TESMIN: variants seen among roughly 807,000 people sequenced by gnomAD.
The protein encoded by TESMIN is testis expressed metallothionein like protein.
A neutral mutation model predicts 47.4 loss-of-function variants in TESMIN; 34 were observed. The observed-to-expected ratio is 0.72, with a 90% CI of 0.55 to 0.96. The LOEUF is 0.96. Ranked by LOEUF, TESMIN falls within the 40% of genes least tolerant of loss-of-function variation. The pLI is 0.00. For synonymous variants in TESMIN, 278 were observed against 258.9 expected (o/e 1.07, Z -0.71); for missense variants, 610 against 637.2 (o/e 0.96, Z 0.46).
intron 7 of TESMIN, 60 bp from the exon 8 acceptor site, chr11:68,713,467 G>A: frequency 6.3e-7 from 1 of 1,577,642 alleles, no homozygotes; most frequent in Non-Finnish European, 8.7e-7. Context: ...TCAGCTCAAT[G>A]AAGGGCATCT....
chr11:68,729,576 C>T (rs188284829), intron 6 of TESMIN, among the ~76,000 whole-genome samples: 10 of 151,432 alleles, frequency 6.6e-5, no homozygotes, highest in Admixed American at 2.0e-4. Flanking sequence ...TTGTGGGGTT[C>T]AAGACTTCAG....
In TESMIN at chr11:68,713,288, A is replaced by G. The variant is rs1946094493; in HGVS notation, c.1140T>C (p.Asn380=). ...CNCRRSGCLK[N]YCECYEAQIM... ...CACTAACCTCATAGCACTCGCAGTA[A>G]TTCTTCAGGCAGCCTGACCTCCTGC... Residue 380 remains asparagine, a synonymous_variant, in exon 8 of 10, where the codon AAT becomes AAC. Transcript: ENST00000255087. The G allele has an allele frequency of 1.2e-6, 2 of 1,614,148 alleles. No individual in the cohort carries two copies. The highest frequency in any genetic ancestry group is 1.7e-6 in the Non-Finnish European group (2 of 1,180,002).
intron 3 of TESMIN, 143 bp from the exon 4 acceptor site, chr11:68,745,254 C>G: frequency 1.7e-6 from 1 of 580,630 alleles, no homozygotes; most frequent in Non-Finnish European, 2.7e-6. Flanking sequence ...GATCTGTTTT[C>G]GATTTCTTAC....
intron 6 of TESMIN, among the ~76,000 whole-genome samples, chr11:68,729,541 T>C (rs1159823306): frequency 6.7e-6 from 1 of 149,300 alleles, no homozygotes. Flanking sequence ...AAAAAAAAAG[T>C]TGATTTCAAC....
chr11:68,749,963 G>A (rs1459523187), intron 2 of TESMIN, among the ~76,000 whole-genome samples: 3 of 152,152 alleles, frequency 2.0e-5, no homozygotes, highest in African/African-American at 7.2e-5. Context: ...ACTGGTGCAG[G>A]GCAGAATTCC....
At chr11:68,727,599 T>C (rs1946280605) in intron 6 of TESMIN, among the ~76,000 whole-genome samples, 1 of 152,246 alleles carries the variant, frequency 6.6e-6, no homozygotes, top group South Asian at 2.1e-4. Flanking sequence ...CAAAAATGTA[T>C]AATTTAACAC....
chr11:68,717,156 AATT>A (rs1366024742), intron 6 of TESMIN, among the ~76,000 whole-genome samples: 2 of 152,236 alleles, frequency 1.3e-5, no homozygotes, highest in East Asian at 3.8e-4. Context: ...TTCTTTTCAT[AATT>A]ATTATTTTCA....
rs1946506850 is a variant in TESMIN at position 68,745,320 on chromosome 11, A to C, written c.631-209T>G. Among the ~76,000 whole-genome samples, 7 of 150,388 alleles carry C rather than the reference A, an allele frequency of 4.7e-5. No homozygotes were observed. In the South Asian group the frequency reaches 1.5e-3, roughly 31 times the overall value. On this transcript the variant is annotated intron_variant, in intron 3 of 9. Coordinates refer to ENST00000255087, the MANE Select transcript of TESMIN (RefSeq NM_004923.3). Reference sequence around the variant, plus strand: ...AAGGGCAAAAAAAAAAAAAAAAAAAAGAAAAACCCAGAAATGTTTCCTGAG... The same window carrying C: ...AAGGGCAAAAAAAAAAAAAAAAAAACGAAAAACCCAGAAATGTTTCCTGAG...
chr11:68,725,936 G>A (rs964397674), intron 6 of TESMIN, among the ~76,000 whole-genome samples: 4 of 152,160 alleles, frequency 2.6e-5, no homozygotes, highest in African/African-American at 9.7e-5. Flanking sequence ...AATTCAGAGG[G>A]CCAAGCTAAA....
intron 6 of TESMIN, among the ~76,000 whole-genome samples, chr11:68,722,172 C>T (rs891631577): frequency 6.6e-6 from 1 of 152,088 alleles, no homozygotes; most frequent in Non-Finnish European, 1.5e-5. Flanking sequence ...AAGCCAGATA[C>T]AAAGGGACAG....
At chr11:68,747,147 A>C in intron 3 of TESMIN, 61 bp downstream of exon 3, 1 of 1,536,934 alleles carries the variant, frequency 6.5e-7, no homozygotes, top group South Asian at 1.1e-5. Flanking sequence ...TCGACTTAGT[A>C]ATGATGGGGT....
At chr11:68,730,680 A>G (rs917278060) in intron 6 of TESMIN, among the ~76,000 whole-genome samples, 6 of 151,886 alleles carry the variant, frequency 4.0e-5, no homozygotes, top group Non-Finnish European at 8.8e-5. Flanking sequence ...CTATAATCTC[A>G]GCTACTCAGG....
Position 68,750,752 on chromosome 11 carries a change from G to A in TESMIN, c.-39-53C>T, listed in dbSNP as rs1288827393. ...GCCAGAGGAGAGGACGAGGGGAGGG[G>A]CGGCCAGGAAAGGGGACAGCCAAGG... On this transcript the variant is annotated intron_variant, in intron 1 of 9. Coordinates refer to ENST00000255087, the MANE Select transcript of TESMIN (RefSeq NM_004923.3). 1.4e-5 allele frequency: 11 copies of A among 810,630 alleles called. No homozygotes were observed. In the Admixed American group the frequency reaches 4.8e-4, roughly 35 times the overall value. 50.2% of individuals were successfully genotyped at this position (810,630 alleles called of 1,614,324 possible).
Position 68,708,485 on chromosome 11 carries a change from G to T in TESMIN, c.1350C>A (p.Cys450Ter). The T allele has an allele frequency of 1.2e-6, 2 of 1,608,644 alleles. No homozygotes were observed. The highest frequency in any genetic ancestry group is 1.7e-6 in the Non-Finnish European group (2 of 1,177,910). The change falls in exon 10 of 10, where the codon TGC becomes TGA. Residue 450 changes from cysteine to a stop codon, truncating the protein, a stop_gained. Transcript: ENST00000255087. LOFTEE classifies it high-confidence loss of function. The stretch of plus-strand genomic sequence containing the variant: ...TGGCCTCCACCACCTCCCAGGAGAT[G>T]CATGAGGAAGGCCGCCTGTCAGAAA... ...RFSHDRRPSS[C>*]ISWEVVEATC... is the part of the protein sequence containing the mutation.
intron 7 of TESMIN, among the ~76,000 whole-genome samples, chr11:68,714,232 G>A (rs921006534): frequency 6.6e-6 from 1 of 152,234 alleles, no homozygotes; most frequent in East Asian, 1.9e-4. Context: ...CAGGGCCATC[G>A]CTACAGAATG....
chr11:68,718,566 T>C (rs1416878562), intron 6 of TESMIN, among the ~76,000 whole-genome samples: 1 of 152,134 alleles, frequency 6.6e-6, no homozygotes, highest in Non-Finnish European at 1.5e-5. Flanking sequence ...ATGAAGGGGA[T>C]ACAATAATTC....
rs771640533 is a variant in TESMIN, at chr11:68,710,874, C to T, written c.1334G>A (p.Arg445Lys). The change falls in exon 9 of 10, where the codon AGG (arginine) becomes AAG (lysine). Residue 445 changes from arginine (R) to lysine (K), a missense_variant and splice_region_variant. Physicochemically the swap from Arg to Lys is conservative, Grantham distance 26 (BLOSUM62 2). Coordinates refer to ENST00000255087, the MANE Select transcript of TESMIN (RefSeq NM_004923.3). ...FSGLPRFSHD[R>K]RPSSCISWEV... ...GCAGAGGTTAGTTCAAAGTACCTAC[C>T]TATCGTGACTGAATCTTGGAAGTCC... is the stretch of plus-strand genomic sequence containing the variant. The T allele has an allele frequency of 3.7e-6, 6 of 1,610,470 alleles. No individual in the cohort carries two copies. The Admixed American group carries it at 1.0e-4, about 27-fold the overall frequency.
rs776737062 is a variant in TESMIN, at chr11:68,713,336, G to C, written c.1092C>G (p.Pro364=). 1 of 1,614,106 alleles carries C rather than the reference G, an allele frequency of 6.2e-7. No individual in the cohort carries two copies. Among genetic ancestry groups the C allele is most frequent in the Non-Finnish European group, 8.5e-7 (1 of 1,180,012 alleles). Residue 364 remains proline, a synonymous_variant, in exon 8 of 10, where the codon CCC becomes CCG. Coordinates refer to ENST00000255087, the MANE Select transcript of TESMIN (RefSeq NM_004923.3). ...TGCAGTTGCACCCTTTGTTGTGCTGGGGCTTGACATTGCCCAATTGGCCCT... is the reference window on the plus strand; with the variant it reads ...TGCAGTTGCACCCTTTGTTGTGCTGCGGCTTGACATTGCCCAATTGGCCCT... ...IGKGQLGNVK[P]QHNKGCNCRR... is the part of the protein sequence containing the mutation.
At chr11:68,714,244 G>A (rs1946107544) in intron 7 of TESMIN, among the ~76,000 whole-genome samples, 1 of 152,234 alleles carries the variant, frequency 6.6e-6, no homozygotes, top group Admixed American at 6.5e-5. Flanking sequence ...TACAGAATGT[G>A]CTGCTGGACA....
Sources: allele counts gnomAD v4.1 joint callset (sites outside exome capture counted in the v4.1 genomes callset), GRCh38; gene constraint gnomAD v4.1.1; transcripts MANE v1.5; gene names NCBI Gene and HGNC (gene_info 2026-07-23, HGNC 2026-07-21).